Variants in MBNL2 observed in about 807,000 individuals in gnomAD.
The protein encoded by MBNL2 is muscleblind like splicing regulator 2, also known as muscleblind-like protein 2.
In MBNL2, 17 loss-of-function variants were observed where a neutral mutation model predicts 41.9. The ratio of observed to expected loss-of-function variants is 0.41; its 90% CI spans 0.28 to 0.61. MBNL2 has a LOEUF of 0.61. Among genes scored for constraint, MBNL2 ranks in the 20% least tolerant of loss-of-function variants. MBNL2 has a pLI of 0.35. For missense variants in MBNL2, 336 were observed against 505.6 expected (o/e 0.66, Z 3.22); for synonymous variants, 195 against 182.9 (o/e 1.07, Z -0.53).
chr13:97,189,155 A>G, the MBNL2 span, among the ~76,000 whole-genome samples: 253 of 152,124 alleles, frequency 1.7e-3, 1 homozygote, highest in Admixed American at 5.8e-3. Flanking sequence ...CAGCCTCCCA[A>G]AATTCTGGGA....
At chr13:97,205,350 A>C in the MBNL2 span, among the ~76,000 whole-genome samples, 1 of 151,360 alleles carries the variant, frequency 6.6e-6, no homozygotes, top group African/African-American at 2.4e-5. Flanking sequence ...AGATTGCGCC[A>C]CTGCACTCTA....
intron 1 of MBNL2, among the ~76,000 whole-genome samples, chr13:97,261,422 T>G (rs748190582): frequency 1.3e-5 from 2 of 152,176 alleles, no homozygotes; most frequent in Non-Finnish European, 2.9e-5. Context: ...CACCTCCATG[T>G]GTACTAGCCT....
At chr13:97,282,774 AC>A (rs2053684295) in intron 2 of MBNL2, among the ~76,000 whole-genome samples, 1 of 152,146 alleles carries the variant, frequency 6.6e-6, no homozygotes, top group Non-Finnish European at 1.5e-5. Flanking sequence ...CACTATTCAG[AC>A]TTCATGTCAT....
At chr13:97,227,537 G>A (rs1285026782) in intron 1 of MBNL2, among the ~76,000 whole-genome samples, 1 of 152,200 alleles carries the variant, frequency 6.6e-6, no homozygotes, top group African/African-American at 2.4e-5. Flanking sequence ...ATCTTAATTA[G>A]CAGTTCAAAT....
In MBNL2 at chr13:97,334,371, A is replaced by G; in HGVS notation, c.270A>G (p.Gln90=). 1 of 1,613,926 alleles carries G rather than the reference A, an allele frequency of 6.2e-7. No homozygotes were observed. The highest frequency in any genetic ancestry group is 8.5e-7 in the Non-Finnish European group (1 of 1,179,876). ...ATGGAAGGAACAATTTGATTCAGCA[A>G]AAAACTGCAGCAGCAATGCTTGCCC... ...EINGRNNLIQ[Q]KTAAAMLAQQ... is the part of the protein sequence containing the mutation. The change falls in exon 3 of 9, where the codon CAA becomes CAG. Residue 90 remains glutamine, a synonymous_variant. Transcript: ENST00000679496. The surrounding 1 kb of genome is among the most constrained non-coding windows in gnomAD (Gnocchi z 5.3).
At chr13:97,265,733 T>C (rs1249305624) in intron 1 of MBNL2, among the ~76,000 whole-genome samples, 1 of 152,154 alleles carries the variant, frequency 6.6e-6, no homozygotes, top group Non-Finnish European at 1.5e-5. Context: ...TAGAGATTAT[T>C]GATAGTATAC....
upstream of MBNL2, among the ~76,000 whole-genome samples, chr13:97,218,420 A>AAAAACAAAACAAAACAAAAC (rs369390369): frequency 8.7e-6 from 1 of 115,074 alleles, no homozygotes; most frequent in Admixed American, 9.2e-5. Flanking sequence ...AAAAAAAAAC[A>AAAAACAAAACAAAACAAAAC]AAAACAAAAC....
At chr13:97,201,324 G>T in the MBNL2 span, among the ~76,000 whole-genome samples, 3 of 152,086 alleles carry the variant, frequency 2.0e-5, no homozygotes, top group Non-Finnish European at 4.4e-5. Flanking sequence ...AACAAAGTAT[G>T]ATTATACTTA....
intron 1 of MBNL2, among the ~76,000 whole-genome samples, chr13:97,247,544 G>A (rs2045708003): frequency 6.6e-6 from 1 of 152,144 alleles, no homozygotes; most frequent in Non-Finnish European, 1.5e-5. Context: ...TGTTTCTCTT[G>A]TTTATTGATT....
chr13:97,242,617 C>T (rs916422062), intron 1 of MBNL2, among the ~76,000 whole-genome samples: 1 of 152,106 alleles, frequency 6.6e-6, no homozygotes, highest in Non-Finnish European at 1.5e-5. Flanking sequence ...CCCCAGTCCC[C>T]GAGAAATGTA....
chr13:97,374,063 A>ATTTTCTTTTTTTTTTT (rs2064690563), intron 8 of MBNL2, among the ~76,000 whole-genome samples: 1 of 63,128 alleles, frequency 1.6e-5, no homozygotes, highest in Non-Finnish European at 3.1e-5. Flanking sequence ...CCTCCTTTGC[A>ATTTTCTTTTTTTTTTT]TTTTTTTTTT....
intron 3 of MBNL2, among the ~76,000 whole-genome samples, chr13:97,341,605 T>C (rs1028941662): frequency 2.6e-5 from 4 of 152,156 alleles, no homozygotes; most frequent in East Asian, 1.9e-4. Context: ...GTCTGAGCCA[T>C]AGAGATCTAA....
chr13:97,307,350 C>G (rs766871829), intron 2 of MBNL2, among the ~76,000 whole-genome samples: 6 of 151,460 alleles, frequency 4.0e-5, no homozygotes, highest in Non-Finnish European at 8.8e-5. Context: ...TAAATTGGTT[C>G]CAGTTGCTTA....
intron 2 of MBNL2, among the ~76,000 whole-genome samples, chr13:97,296,171 C>A (rs2056978879): frequency 6.6e-6 from 1 of 152,178 alleles, no homozygotes. Context: ...ATTTCTCCAA[C>A]CCAAATCATA....
At chr13:97,363,221 TGAGAA>T (rs1412894053) in intron 7 of MBNL2, 2 of 152,154 alleles carry the variant, frequency 1.3e-5, no homozygotes, top group Non-Finnish European at 2.9e-5. Context: ...CCTGGAACTC[TGAGAA>T]GAGATCTGCG....
the MBNL2 span, among the ~76,000 whole-genome samples, chr13:97,146,836 A>C: frequency 1.3e-5 from 2 of 152,154 alleles, no homozygotes; most frequent in Non-Finnish European, 2.9e-5. Flanking sequence ...CCTGCAGGCT[A>C]CTTCTGGCTT....
chr13:97,226,761 A>C (rs2041664972), intron 1 of MBNL2, among the ~76,000 whole-genome samples: 1 of 149,994 alleles, frequency 6.7e-6, no homozygotes, highest in Admixed American at 6.6e-5. Flanking sequence ...AGAATGGTGC[A>C]AAAAAAAATC....
chr13:97,259,470 C>A (rs1464054024), intron 1 of MBNL2, among the ~76,000 whole-genome samples: 7 of 152,158 alleles, frequency 4.6e-5, no homozygotes, highest in Admixed American at 1.3e-4. Context: ...TCCCTGAATC[C>A]CCTTTTGTGC....
the MBNL2 span, among the ~76,000 whole-genome samples, chr13:97,187,592 T>TGAA: frequency 5.1e-5 from 1 of 19,578 alleles, no homozygotes; most frequent in South Asian, 2.0e-3. Flanking sequence ...ACTATGCAGC[T>TGAA]TAAAAAAAAA....
Sources: allele counts gnomAD v4.1 joint callset (sites outside exome capture counted in the v4.1 genomes callset), GRCh38; gene constraint gnomAD v4.1.1; non-coding constraint Gnocchi (gnomAD v3.1); transcripts MANE v1.5; gene names NCBI Gene and HGNC (gene_info 2026-07-23, HGNC 2026-07-21).